Variants in SNAPC4 observed in about 807,000 individuals in gnomAD.
The protein encoded by SNAPC4 is snRNA-activating protein complex subunit 4.
In SNAPC4, 127 loss-of-function variants were observed where a neutral mutation model predicts 151.3. That is an observed-to-expected ratio of 0.84 (90% CI 0.73 to 0.97). The LOEUF (loss-of-function observed/expected upper bound fraction) is 0.97. Among genes scored for constraint, SNAPC4 ranks in the 50% least tolerant of loss-of-function variants. The pLI is 0.00. For synonymous variants in SNAPC4, 1,002 were observed against 824.4 expected, an observed-to-expected ratio of 1.22 and a Z score of -3.69; for missense variants, 2,186 against 1,935.0, an observed-to-expected ratio of 1.13 and a Z score of -2.43.
chr9:136,378,025 C>A lies in SNAPC4; in HGVS notation c.3802G>T (p.Ala1268Ser). 6.3e-7 allele frequency: 1 copy of A among 1,590,628 alleles called. No individual in the cohort carries two copies. Among genetic ancestry groups the A allele is most frequent in the African/African-American group, 1.3e-5 (1 of 74,472 alleles). Residue 1268 changes from alanine (A) to serine (S), a missense_variant, in exon 22 of 24, where the codon GCC becomes TCC. Physicochemically the swap from Ala to Ser is moderately conservative, Grantham distance 99. Transcript: ENST00000684778. ...TGGGACAGCAGGCCCAGGTCCAGGG[C>A]CCCCTTCTCAGGCCCAGGCTGGGGT... The part of the protein sequence containing the change: ...PLPQPGPEKG[A>S]LDLGLLSQEG...
chr9:136,377,554 A>G lies in SNAPC4; in HGVS notation c.4273T>C (p.Cys1425Arg), dbSNP rs1209777688. Residue 1425 changes from cysteine (C) to arginine (R), a missense_variant, in exon 22 of 24, where the codon TGC becomes CGC. Transcript: ENST00000684778. ...DGQPGCTTAT[C>R]PIQGAPDSGK... ...GGCGCCCACCCTACCTGAATGGGGCATGTGGCTGTCGTGCAGCCCGGCTGC... is the reference window on the plus strand; with the variant it reads ...GGCGCCCACCCTACCTGAATGGGGCGTGTGGCTGTCGTGCAGCCCGGCTGC... 6.6e-7 allele frequency: 1 copy of G among 1,516,734 alleles called. No homozygotes were observed. Among genetic ancestry groups the G allele is most frequent in the Non-Finnish European group, 8.8e-7 (1 of 1,131,770 alleles). The allele number at this position is 1,516,734 out of a possible 1,614,324, so 94.0% of individuals were successfully genotyped here.
At position 136,377,922 on chromosome 9, in the gene SNAPC4, G is replaced by T. The variant is rs1461582026; in HGVS notation, c.3905C>A (p.Pro1302His). The T allele has an allele frequency of 1.9e-6, 3 of 1,610,094 alleles. No homozygotes were observed. The highest frequency in any genetic ancestry group is 2.5e-6 in the Non-Finnish European group (3 of 1,179,104). ...VRVPLLGSRL[P>H]YQPPALCSLR... ...GCTGCACAGGGCTGGGGGCTGATAGGGCAGTCTGCTGCCCAGAAGAGGCAC... is the reference window on the plus strand; with the variant it reads ...GCTGCACAGGGCTGGGGGCTGATAGTGCAGTCTGCTGCCCAGAAGAGGCAC... The change falls in exon 22 of 24, where the codon CCC (proline) becomes CAC (histidine). Residue 1302 changes from proline (P) to histidine (H), a missense_variant. Transcript: ENST00000684778.
At position 136,395,301 on chromosome 9, in the gene SNAPC4, G is replaced by A. The variant is rs766890455; in HGVS notation, c.468C>T (p.Gly156=). The A allele has an allele frequency of 3.5e-5, 56 of 1,612,976 alleles. No individual in the cohort carries two copies. The Admixed American group carries it at 4.0e-4, about 12-fold the overall frequency. The change falls in exon 5 of 24, where the codon GGC becomes GGT. Residue 156 remains glycine, a synonymous_variant. Transcript: ENST00000684778. ...GAGCAGGGCCTCGGCCACTCACCAC[G>A]CCCGTGACCTTGTCCTTGAAATACG... ...MKPYFKDKVT[G]VGPPANEDTR...
rs3812571 is a variant in SNAPC4 at position 136,380,842 on chromosome 9, G to A, written c.2397C>T (p.His799=). 2 of 1,600,078 alleles carry A rather than the reference G, an allele frequency of 1.2e-6. No individual in the cohort carries two copies. The highest frequency in any genetic ancestry group is 1.7e-6 in the Non-Finnish European group (2 of 1,168,418). ...CCTCCAAGCAGCCGGCAGTATCGAT[G>A]TGGAACAGCTGCGGGACACAGGAGG... ...PVFTLFTQLF[H]IDTAGCLEVV... The change falls in exon 20 of 24, where the codon CAC becomes CAT. Residue 799 remains histidine, a synonymous_variant. Transcript: ENST00000684778.
Position 136,398,422 on chromosome 9 carries a change from C to T in SNAPC4, c.7G>A (p.Val3Ile), listed in dbSNP as rs1834347607. The change falls in exon 2 of 24, where the codon GTA becomes ATA. Residue 3 changes from valine (V) to isoleucine (I), a missense_variant. Physicochemically the swap from Val to Ile is conservative, Grantham distance 29 (BLOSUM62 3). Coordinates refer to ENST00000684778, the MANE Select transcript of SNAPC4 (RefSeq NM_003086.4). ...GTTATCTTCTCTCTTTCAGCATCTA[C>T]ATCCATGACTCCCGCCTGCCTCCAA... Reference protein sequence around the residue: MDVDAEREKITQE... With the variant: MDIDAEREKITQE... 8 of 1,613,288 alleles carry T rather than the reference C, an allele frequency of 5.0e-6. No homozygotes were observed. The highest frequency in any genetic ancestry group is 4.5e-5 in the East Asian group (2 of 44,854).
chr9:136,384,658 T>A (rs1833826609), intron 14 of SNAPC4, 62 bp downstream of exon 14: 2 of 882,904 alleles, frequency 2.3e-6, no homozygotes, highest in South Asian at 1.6e-5. Context: ...TATCTTGATC[T>A]CTTTTCTAAG....
intron 11 of SNAPC4, 24 bp from the exon 12 acceptor site, chr9:136,387,872 T>G: frequency 7.3e-7 from 1 of 1,363,352 alleles, no homozygotes; most frequent in Non-Finnish European, 1.1e-6. Flanking sequence ...AACAGGGAGG[T>G]CCTGTGGGGC....
chr9:136,387,739 T>C lies in SNAPC4; in HGVS notation c.1230+3A>G, dbSNP rs1293495028. 1 of 1,589,030 alleles carries C rather than the reference T, an allele frequency of 6.3e-7. No homozygotes were observed. Among genetic ancestry groups the C allele is most frequent in the Admixed American group, 1.7e-5 (1 of 59,990 alleles). On this transcript the variant is annotated splice_donor_region_variant and intron_variant, in intron 12 of 23. Coordinates refer to ENST00000684778, the MANE Select transcript of SNAPC4 (RefSeq NM_003086.4). ...CAGTTCTCCTAGGGTCCCGCACACT[T>C]ACAGCATCTTCCTCCGGGGCCCAGT...
chr9:136,376,274 C>T (rs574335298), intron 23 of SNAPC4, 75 bp downstream of exon 23: 1 of 1,553,508 alleles, frequency 6.4e-7, no homozygotes, highest in Non-Finnish European at 8.8e-7. Context: ...CGAGCAGAGG[C>T]CAAGGCCCCC....
chr9:136,380,619 G>A (rs1013751042), intron 20 of SNAPC4, 121 bp downstream of exon 20: 2 of 630,990 alleles, frequency 3.2e-6, no homozygotes, highest in Non-Finnish European at 5.7e-6. Context: ...GGGAAGTGCA[G>A]ATGCCTCCCT....
intron 10 of SNAPC4, among the ~76,000 whole-genome samples, chr9:136,391,044 G>C (rs971175104): frequency 6.6e-6 from 1 of 152,104 alleles, no homozygotes. Flanking sequence ...ATGTTGGCCA[G>C]GCTGGTCTTG....
In SNAPC4 at chr9:136,379,114, C is replaced by CCTCCTGAAGCCGCTT. The variant is rs1195943877; in HGVS notation, c.2698_2712dup (p.Lys900_Glu904dup). 9.0e-6 allele frequency: 14 copies of CCTCCTGAAGCCGCTT among 1,560,104 alleles called. No individual in the cohort carries two copies. The highest frequency in any genetic ancestry group is 1.7e-4 in the Middle Eastern group (1 of 5,938). On this transcript the variant is annotated inframe_insertion, in exon 22 of 24. Transcript: ENST00000684778. ...CCCCGGGTGGCCTCCCTGGCACGGG[C>CCTCCTGAAGCCGCTT]CTCCTGAAGCCGCTTCTCCTGAAGC...
In SNAPC4 at chr9:136,377,947, C is replaced by T. The variant is rs1025285104; in HGVS notation, c.3880G>A (p.Val1294Met). 10 of 1,604,428 alleles carry T rather than the reference C, an allele frequency of 6.2e-6. No homozygotes were observed. The highest frequency in any genetic ancestry group is 7.7e-6 in the Non-Finnish European group (9 of 1,175,628). The change falls in exon 22 of 24, where the codon GTG becomes ATG. Residue 1294 changes from valine (V) to methionine (M), a missense_variant. By Grantham distance (21) the Val-to-Met change is conservative. Transcript: ENST00000684778. ...GGCAGTCTGCTGCCCAGAAGAGGCA[C>T]ACGCACCCCCCGCTGGCCCCCCAGC... ...QWLGGQRGVR[V>M]PLLGSRLPYQ...
intron 21 of SNAPC4, 61 bp downstream of exon 21, chr9:136,379,776 C>T (rs1009398575): frequency 6.6e-7 from 1 of 1,525,430 alleles, no homozygotes; most frequent in Non-Finnish European, 9.1e-7. Flanking sequence ...CCAGGTTAGG[C>T]CTCTTCCCCG....
intron 21 of SNAPC4, 29 bp from the exon 22 acceptor site, chr9:136,379,328 A>G: frequency 6.2e-7 from 1 of 1,611,256 alleles, no homozygotes; most frequent in South Asian, 1.1e-5. Context: ...CACACTTGAT[A>G]AGCCCCAGGC....
intron 20 of SNAPC4, 139 bp from the exon 21 acceptor site, chr9:136,380,003 C>A: frequency 7.1e-7 from 1 of 1,410,506 alleles, no homozygotes; most frequent in Non-Finnish European, 9.8e-7. Flanking sequence ...CTCCCACACG[C>A]CTCTGTAGGA....
chr9:136,397,004 G>C lies in SNAPC4; in HGVS notation c.150C>G (p.Asp50Glu). 4 of 1,612,938 alleles carry C rather than the reference G, an allele frequency of 2.5e-6. No homozygotes were observed. The highest frequency in any genetic ancestry group is 3.4e-6 in the Non-Finnish European group (4 of 1,179,946). ...AGATCGGGGGATCGGCAGGATCCAA[G>C]TCCTCAGAAGGCAGTGAATCTGTCA... ...DSEADSLPSEDLDPADPPISE... is the reference protein window; with the variant it reads ...DSEADSLPSEELDPADPPISE... Residue 50 changes from aspartate to glutamate, a missense_variant, in exon 3 of 24, where the codon GAC becomes GAG. By Grantham distance (45) the Asp-to-Glu change is conservative. Transcript: ENST00000684778.
chr9:136,388,928 C>G (rs1162942309), intron 10 of SNAPC4, among the ~76,000 whole-genome samples: 3 of 152,246 alleles, frequency 2.0e-5, no homozygotes, highest in Non-Finnish European at 4.4e-5. Context: ...TTGGCAAGGG[C>G]TGGGAGACGC....
At chr9:136,393,583 G>C (rs1834156015) in intron 7 of SNAPC4, among the ~76,000 whole-genome samples, 1 of 152,196 alleles carries the variant, frequency 6.6e-6, no homozygotes, top group Non-Finnish European at 1.5e-5. Flanking sequence ...TCAGGAATGG[G>C]AAAGGGAAGC....
Sources: allele counts gnomAD v4.1 joint callset (sites outside exome capture counted in the v4.1 genomes callset), GRCh38; gene constraint gnomAD v4.1.1; transcripts MANE v1.5; gene names NCBI Gene and HGNC (gene_info 2026-07-23, HGNC 2026-07-21).